WDFY1: variants seen among roughly 807,000 people sequenced by gnomAD.
WDFY1 encodes the protein WD repeat and FYVE domain containing 1, also known as WD repeat and FYVE domain-containing protein 1.
WDFY1 carries 32 observed loss-of-function variants against 56.4 expected under a neutral mutation model. That is an observed-to-expected ratio of 0.57 (90% CI 0.43 to 0.76). WDFY1 has a LOEUF of 0.76. WDFY1 is among the 30% of genes least tolerant of loss of function. The pLI is 0.00. For synonymous variants in WDFY1, 192 were observed against 197.3 expected, an observed-to-expected ratio of 0.97 and a Z score of 0.23; for missense variants, 480 against 545.7, an observed-to-expected ratio of 0.88 and a Z score of 1.20.
chr2:223,944,516 C>G (rs1249371477), intron 1 of WDFY1, among the ~76,000 whole-genome samples: 1 of 151,106 alleles, frequency 6.6e-6, no homozygotes, highest in African/African-American at 2.4e-5. Flanking sequence ...AGTTCCCGCG[C>G]TGGAGGGGCG....
chr2:223,917,791 C>G, intron 2 of WDFY1, 152 bp downstream of exon 2: 1 of 746,922 alleles, frequency 1.3e-6, no homozygotes. Context: ...AGTCTGGTCT[C>G]AAACTCCTGA....
chr2:223,945,291 G>A lies in WDFY1; in HGVS notation c.-7C>T, dbSNP rs934356335. 3 of 1,566,280 alleles carry A rather than the reference G, an allele frequency of 1.9e-6. No individual in the cohort carries two copies. Among genetic ancestry groups the A allele is most frequent in the Non-Finnish European group, 1.7e-6 (2 of 1,163,566 alleles). On this transcript the variant is annotated 5_prime_UTR_variant, in exon 1 of 12. Coordinates refer to ENST00000233055, the MANE Select transcript of WDFY1 (RefSeq NM_020830.5). ...AGTGGATTTCGGCCGCCATGTTCGC[G>A]CGGCGACTGCTGCGGCCTCCTCGGC...
At chr2:223,918,779 A>C (rs548572630) in intron 1 of WDFY1, among the ~76,000 whole-genome samples, 1 of 152,150 alleles carries the variant, frequency 6.6e-6, no homozygotes, top group Non-Finnish European at 1.5e-5. Flanking sequence ...TGTGAGTGGG[A>C]AGAGGCTCAT....
intron 1 of WDFY1, among the ~76,000 whole-genome samples, chr2:223,923,541 C>A (rs534193087): frequency 2.5e-3 from 387 of 152,214 alleles, no homozygotes; most frequent in South Asian, 5.0e-3. Flanking sequence ...GCGGGTGGAT[C>A]ACAAGGTCAG....
At chr2:223,901,029 T>G in intron 5 of WDFY1, 154 bp downstream of exon 5, 1 of 912,434 alleles carries the variant, frequency 1.1e-6, no homozygotes. Context: ...TTGCAATTAC[T>G]TTCCATGGTA....
chr2:223,918,347 G>A (rs759768289), intron 1 of WDFY1, among the ~76,000 whole-genome samples: 4 of 152,058 alleles, frequency 2.6e-5, no homozygotes, highest in South Asian at 2.1e-4. Flanking sequence ...GAAAATGTTC[G>A]GCCAGGCGCG....
intron 1 of WDFY1, among the ~76,000 whole-genome samples, chr2:223,919,322 T>C (rs990782785): frequency 6.6e-6 from 1 of 152,210 alleles, no homozygotes; most frequent in Non-Finnish European, 1.5e-5. Context: ...GGGATTCTCC[T>C]GCCTCAGCCT....
intron 1 of WDFY1, among the ~76,000 whole-genome samples, chr2:223,935,403 G>A (rs1004145186): frequency 6.6e-6 from 1 of 152,186 alleles, no homozygotes; most frequent in African/African-American, 2.4e-5. Context: ...TCACCATGAA[G>A]TATGACAAAA....
intron 1 of WDFY1, among the ~76,000 whole-genome samples, chr2:223,920,791 G>A (rs1157770876): frequency 6.6e-6 from 1 of 152,190 alleles, no homozygotes; most frequent in East Asian, 1.9e-4. Flanking sequence ...GGAAAAAGAT[G>A]GGCAAGGCTT....
intron 1 of WDFY1, among the ~76,000 whole-genome samples, chr2:223,935,950 G>A (rs1694161632): frequency 6.6e-6 from 1 of 151,960 alleles, no homozygotes; most frequent in Non-Finnish European, 1.5e-5. Flanking sequence ...AGGTGTGAGT[G>A]GGACAGAACA....
intron 6 of WDFY1, among the ~76,000 whole-genome samples, chr2:223,897,433 C>A (rs1693411379): frequency 7.1e-6 from 1 of 140,540 alleles, no homozygotes; most frequent in Non-Finnish European, 1.5e-5. Flanking sequence ...GGTTGGAGTG[C>A]AATGGCATGA....
At chr2:223,897,369 TATA>T (rs1559165899) in intron 6 of WDFY1, among the ~76,000 whole-genome samples, 6 of 66,106 alleles carry the variant, frequency 9.1e-5, no homozygotes, top group Admixed American at 1.6e-4. Flanking sequence ...TATATATATA[TATA>T]TATATATATA....
At chr2:223,878,775 G>C in intron 11 of WDFY1, 45 bp from the exon 12 acceptor site, 1 of 1,612,384 alleles carries the variant, frequency 6.2e-7, no homozygotes, top group Non-Finnish European at 8.5e-7. Flanking sequence ...GTGATAACCA[G>C]GTCTAACGGC....
intron 1 of WDFY1, among the ~76,000 whole-genome samples, chr2:223,923,533 G>A (rs1038277801): frequency 1.2e-4 from 19 of 152,138 alleles, no homozygotes; most frequent in Admixed American, 4.6e-4. Context: ...AGGCCGAGGC[G>A]GGTGGATCAC....
chr2:223,945,249 G>A lies in WDFY1; in HGVS notation c.36C>T (p.Ser12=), dbSNP rs2106109599. Residue 12 remains serine (S), a synonymous_variant, in exon 1 of 12, where the codon AGC becomes AGT. Coordinates refer to ENST00000233055, the MANE Select transcript of WDFY1 (RefSeq NM_020830.5). The part of the protein sequence containing the change: ...AAEIHSRPQS[S]RPVLLSKIEG... ...CGATCTTGCTCAGCAGCACCGGGCG[G>A]CTGCTCTGCGGCCTGGAGTGGATTT... 1 of 1,589,256 alleles carries A rather than the reference G, an allele frequency of 6.3e-7. No homozygotes were observed. The highest frequency in any genetic ancestry group is 8.5e-7 in the Non-Finnish European group (1 of 1,172,356).
chr2:223,894,818 T>C, intron 7 of WDFY1, among the ~76,000 whole-genome samples: 1 of 152,184 alleles, frequency 6.6e-6, no homozygotes, highest in Non-Finnish European at 1.5e-5. Flanking sequence ...ATGCCTGTCA[T>C]ACTACCCCTT....
intron 1 of WDFY1, among the ~76,000 whole-genome samples, chr2:223,929,541 G>C (rs1694041651): frequency 6.6e-6 from 1 of 152,048 alleles, no homozygotes. Context: ...GCACACACAA[G>C]AATGTTCCTG....
At position 223,875,508 on chromosome 2, in the gene WDFY1, T is replaced by C. The variant is rs1194760150; in HGVS notation, c.*3163A>G. ...TAGCTAGTACAAGAACAAAGTGTAC[T>C]AATTAACATTACCCCTTGCTTCCCC... On this transcript the variant is annotated 3_prime_UTR_variant, in exon 12 of 12. Transcript: ENST00000233055. 6.6e-6 allele frequency: 1 copy of C among 152,182 alleles called. No homozygotes were observed. The highest frequency in any genetic ancestry group is 1.5e-5 in the Non-Finnish European group (1 of 68,028). The allele number at this position is 152,182 out of a possible 1,614,324, so 9.4% of individuals were successfully genotyped here.
chr2:223,920,078 A>G (rs73994439), intron 1 of WDFY1, among the ~76,000 whole-genome samples: 3,172 of 152,372 alleles, frequency 0.021, 98 homozygotes, highest in Middle Eastern at 0.071. Context: ...TTCACACTGG[A>G]GGAAAGCTGT....
Sources: allele counts gnomAD v4.1 joint callset (sites outside exome capture counted in the v4.1 genomes callset), GRCh38; gene constraint gnomAD v4.1.1; transcripts MANE v1.5; gene names NCBI Gene and HGNC (gene_info 2026-07-23, HGNC 2026-07-21).